The following HPS3 variants were observed in gnomAD, a reference collection of about 807,000 sequenced individuals.
HPS3 encodes the protein HPS3 biogenesis of lysosomal organelles complex 2 subunit 1, also known as BLOC-2 complex member HPS3.
Under a neutral mutation model 110.9 loss-of-function variants are expected in HPS3, and 79 were observed. The ratio of observed to expected loss-of-function variants is 0.71; its 90% CI spans 0.59 to 0.86. The LOEUF is 0.86. Among genes scored for constraint, HPS3 ranks in the 40% least tolerant of loss-of-function variants. The pLI is 0.00. For synonymous variants in HPS3, 428 were observed against 451.0 expected (o/e 0.95, Z 0.65); for missense variants, 1,197 against 1,206.2 (o/e 0.99, Z 0.11).
chr3:149,144,214 GAAAAAA>G (rs59146279), intron 4 of HPS3, among the ~76,000 whole-genome samples: 3 of 123,632 alleles, frequency 2.4e-5, no homozygotes, highest in African/African-American at 9.0e-5. Flanking sequence ...GTCTCTACTA[GAAAAAA>G]AAAAAAAAAA....
chr3:149,160,192 G>A lies in HPS3; in HGVS notation c.2019G>A (p.Ser673=), dbSNP rs374011373. ...LRKLDTSGFS[S]ILVTLTKAAV... is the part of the protein sequence containing the mutation. ...AGCTGGATACTTCTGGGTTTTCATC[G>A]ATCTTAGTGACATTGACCAAGGCAG... The change falls in exon 11 of 17, where the codon TCG becomes TCA. Residue 673 remains serine, a synonymous_variant. Coordinates refer to ENST00000296051, the MANE Select transcript of HPS3 (RefSeq NM_032383.5). 5 of 1,613,700 alleles carry A rather than the reference G, an allele frequency of 3.1e-6. No homozygotes were observed. The highest frequency in any genetic ancestry group is 2.2e-5 in the South Asian group (2 of 91,074).
At chr3:149,150,387 G>A (rs1204929184) in intron 5 of HPS3, among the ~76,000 whole-genome samples, 1 of 152,164 alleles carries the variant, frequency 6.6e-6, no homozygotes, top group South Asian at 2.1e-4. Context: ...TTCACTAGGG[G>A]TGTTATGGGG....
intron 9 of HPS3, among the ~76,000 whole-genome samples, chr3:149,158,056 C>T (rs747190033): frequency 2.0e-5 from 3 of 152,116 alleles, no homozygotes; most frequent in Admixed American, 2.0e-4. Context: ...TTATTGTCTG[C>T]TACCTTAAGG....
At position 149,172,762 on chromosome 3, in the gene HPS3, A is replaced by G. The variant is rs1725130716; in HGVS notation, c.*540A>G. The G allele has an allele frequency of 6.5e-6, 1 of 153,090 alleles. No homozygotes were observed. The highest frequency in any genetic ancestry group is 2.4e-5 in the African/African-American group (1 of 41,442). The allele number at this position is 153,090 out of a possible 1,614,324, so 9.5% of individuals were successfully genotyped here. On this transcript the variant is annotated 3_prime_UTR_variant, in exon 17 of 17. Transcript: ENST00000296051. ...TGTTCCTTTTCTTGTTACTTTTAAG[A>G]AAACTCATGCTCTGTTTCTCTGAAT...
intron 12 of HPS3, 117 bp downstream of exon 12, chr3:149,162,450 C>T: frequency 7.1e-6 from 7 of 984,204 alleles, no homozygotes; most frequent in South Asian, 1.4e-5. Context: ...AACAGACATA[C>T]ATAATCAGTT....
At chr3:149,162,056 C>A in intron 11 of HPS3, 92 bp from the exon 12 acceptor site, 1 of 984,156 alleles carries the variant, frequency 1.0e-6, no homozygotes, top group Non-Finnish European at 1.6e-6. Flanking sequence ...CTTAACCATG[C>A]ATTGTGAATG....
In HPS3 at chr3:149,141,200, C is replaced by CTTTTTTTTT; in HGVS notation, c.884+17_884+25dup. 2 of 1,525,372 alleles carry CTTTTTTTTT rather than the reference C, an allele frequency of 1.3e-6. No individual in the cohort carries two copies. Among genetic ancestry groups the CTTTTTTTTT allele is most frequent in the South Asian group, 1.2e-5 (1 of 85,586 alleles). 94.5% of individuals were successfully genotyped at this position (1,525,372 alleles called of 1,614,324 possible). ...CACCTGCTCTATAGGTATTATAGTG[C>CTTTTTTTTT]TTTTTTTTTTTTTACCAGCATTTTA... On this transcript the variant is annotated intron_variant, in intron 3 of 16. Coordinates refer to ENST00000296051, the MANE Select transcript of HPS3 (RefSeq NM_032383.5).
At chr3:149,167,382 A>G in intron 15 of HPS3, 142 bp downstream of exon 15, 1 of 708,060 alleles carries the variant, frequency 1.4e-6, no homozygotes, top group South Asian at 1.5e-5. Context: ...ATATATGTTT[A>G]ATATGTTACG....
intron 1 of HPS3, chr3:149,130,194 G>C: frequency 1.8e-6 from 1 of 570,934 alleles, no homozygotes; most frequent in Non-Finnish European, 3.1e-6. Flanking sequence ...TTGGTTTTCT[G>C]CAGAAAGGCC....
Position 149,129,647 on chromosome 3 carries a change from C to T in HPS3, c.-77C>T, listed in dbSNP as rs1576653013. 5 of 1,155,314 alleles carry T rather than the reference C, an allele frequency of 4.3e-6. No homozygotes were observed. In the South Asian group the frequency reaches 4.8e-5, roughly 11 times the overall value. The allele number at this position is 1,155,314 out of a possible 1,614,324, so 71.6% of individuals were successfully genotyped here. On this transcript the variant is annotated 5_prime_UTR_variant, in exon 1 of 17. Transcript: ENST00000296051. ...TCATTGGCTCGCTCGCGGAAGTAGT[C>T]CTACATTCGCGGTCAGCGCGGGGTC...
intron 14 of HPS3, chr3:149,166,158 T>C: frequency 5.4e-6 from 2 of 369,954 alleles, no homozygotes; most frequent in South Asian, 4.1e-5. Context: ...TCAAAAGTAG[T>C]ATTTATAGTT....
Position 149,160,232 on chromosome 3 carries a change from A to C in HPS3, c.2059A>C (p.Met687Leu), listed in dbSNP as rs770716422. 1.2e-6 allele frequency: 2 copies of C among 1,613,850 alleles called. No individual in the cohort carries two copies. Among genetic ancestry groups the C allele is most frequent in the South Asian group, 2.2e-5 (2 of 91,072 alleles). Residue 687 changes from methionine (M) to leucine (L), a missense_variant, in exon 11 of 17, where the codon ATG becomes CTG. By Grantham distance (15) the Met-to-Leu change is conservative (BLOSUM62 2). Transcript: ENST00000296051. ...TLTKAAVALK[M>L]GDLDMHRNEM... ...GACCAAGGCAGCAGTGGCTCTGAAAATGGGAGATCTTGACATGCACAGAAA... is the reference window on the plus strand; with the variant it reads ...GACCAAGGCAGCAGTGGCTCTGAAACTGGGAGATCTTGACATGCACAGAAA...
rs149640235 is a variant in HPS3 at position 149,153,614 on chromosome 3, A to G, written c.1366A>G (p.Ile456Val). The G allele has an allele frequency of 8.3e-4, 1,336 of 1,614,240 alleles. 9 individuals carry two copies. In the African/African-American group the frequency reaches 0.016, roughly 19 times the overall value. The change falls in exon 7 of 17, where the codon ATT becomes GTT. Residue 456 changes from isoleucine (I) to valine (V), a missense_variant. By Grantham distance (29) the Ile-to-Val change is conservative (BLOSUM62 3). Transcript: ENST00000296051. ...ILLTKAEPEA[I>V]PERRQSPKRL... ...TTTGACTAAAGCAGAACCTGAAGCC[A>G]TTCCAGAGAGAAGACAGTCACCCAA...
chr3:149,136,855 G>A (rs1722138724), intron 1 of HPS3, among the ~76,000 whole-genome samples: 1 of 152,102 alleles, frequency 6.6e-6, no homozygotes, highest in South Asian at 2.1e-4. Context: ...AAATGGGCAT[G>A]TATTTATAGG....
At chr3:149,135,066 C>T (rs559168534) in intron 1 of HPS3, among the ~76,000 whole-genome samples, 2 of 152,222 alleles carry the variant, frequency 1.3e-5, no homozygotes, top group Non-Finnish European at 2.9e-5. Flanking sequence ...CAAGTCTCCT[C>T]CTCAAAAATG....
intron 5 of HPS3, among the ~76,000 whole-genome samples, chr3:149,149,807 T>A (rs1219722546): frequency 6.6e-6 from 1 of 152,214 alleles, no homozygotes; most frequent in African/African-American, 2.4e-5. Context: ...TTAACTGTTT[T>A]TAATGTCAAT....
Position 149,140,401 on chromosome 3 carries a change from A to G in HPS3, c.615A>G (p.Glu205=). The change falls in exon 2 of 17, where the codon GAA becomes GAG. Residue 205 remains glutamate (E), a synonymous_variant. Coordinates refer to ENST00000296051, the MANE Select transcript of HPS3 (RefSeq NM_032383.5). ...ATGTTGCTGTCATGTCAGACTTAGAAGTCTTAATCGTAAAACTGGAGTCAG... is the reference window on the plus strand; with the variant it reads ...ATGTTGCTGTCATGTCAGACTTAGAGGTCTTAATCGTAAAACTGGAGTCAG... The part of the protein sequence containing the change: ...VGYVAVMSDL[E]VLIVKLESGP... The G allele has an allele frequency of 6.2e-7, 1 of 1,611,216 alleles. No homozygotes were observed. Among genetic ancestry groups the G allele is most frequent in the Non-Finnish European group, 8.5e-7 (1 of 1,178,554 alleles).
chr3:149,132,987 A>G (rs1270694543), intron 1 of HPS3, among the ~76,000 whole-genome samples: 2 of 152,232 alleles, frequency 1.3e-5, no homozygotes, highest in African/African-American at 4.8e-5. Flanking sequence ...GAATTCCTGC[A>G]ATCTTATGAT....
chr3:149,150,702 T>C (rs780861029), intron 6 of HPS3, 22 bp downstream of exon 6: 3 of 1,567,220 alleles, frequency 1.9e-6, no homozygotes, highest in East Asian at 2.2e-5. Flanking sequence ...CTTATGAAGA[T>C]AGTGAAACCT....
Sources: allele counts gnomAD v4.1 joint callset (sites outside exome capture counted in the v4.1 genomes callset), GRCh38; gene constraint gnomAD v4.1.1; transcripts MANE v1.5; gene names NCBI Gene and HGNC (gene_info 2026-07-23, HGNC 2026-07-21).